Variants in MLLT3 observed in about 807,000 individuals in gnomAD.
MLLT3 encodes MLLT3 super elongation complex subunit.
In MLLT3, 4 loss-of-function variants were observed where a neutral mutation model predicts 53.2. The ratio of observed to expected loss-of-function variants is 0.08; its 90% CI spans 0.04 to 0.17. The LOEUF is 0.17. Among genes scored for constraint, MLLT3 ranks in the 10% least tolerant of loss-of-function variants. The pLI is 1.00. For synonymous variants in MLLT3, 283 were observed against 230.6 expected (o/e 1.23, Z -2.06); for missense variants, 569 against 684.0 (o/e 0.83, Z 1.87).
chr9:20,433,864 C>T (rs968856882), intron 4 of MLLT3, among the ~76,000 whole-genome samples: 1 of 151,746 alleles, frequency 6.6e-6, no homozygotes, highest in African/African-American at 2.4e-5. Flanking sequence ...CCTGTAATCC[C>T]AGCACTTTGG....
intron 2 of MLLT3, among the ~76,000 whole-genome samples, chr9:20,551,633 G>GC (rs1554638122): frequency 1.3e-5 from 2 of 151,122 alleles, no homozygotes; most frequent in African/African-American, 2.4e-5. Flanking sequence ...AATCAGAAAA[G>GC]AAAAAAAAAC....
intron 2 of MLLT3, among the ~76,000 whole-genome samples, chr9:20,562,498 C>T (rs749567299): frequency 7.2e-5 from 11 of 152,064 alleles, no homozygotes; most frequent in Non-Finnish European, 1.5e-4. Flanking sequence ...AAACAACCCA[C>T]CAATGGACCC....
chr9:20,454,341 C>T (rs1354566152), intron 3 of MLLT3, among the ~76,000 whole-genome samples: 1 of 152,070 alleles, frequency 6.6e-6, no homozygotes, highest in East Asian at 1.9e-4. Context: ...CTTCTTAAAT[C>T]TGGCATATGG....
chr9:20,467,616 G>A lies in MLLT3; in HGVS notation c.194-10830C>T, dbSNP rs190469494. Reference sequence around the variant, plus strand: ...CAAAATAAAAAATAAAAGTCGATGAGCAGATTTAATCTTATTTAGGAGTAA... The same window carrying A: ...CAAAATAAAAAATAAAAGTCGATGAACAGATTTAATCTTATTTAGGAGTAA... On this transcript the variant is annotated intron_variant, in intron 2 of 10. Coordinates refer to ENST00000380338, the MANE Select transcript of MLLT3 (RefSeq NM_004529.4). 7.9e-5 allele frequency among the ~76,000 whole-genome samples: 12 copies of A among 152,190 alleles called. No homozygotes were observed. In the East Asian group the frequency reaches 2.3e-3, roughly 29 times the overall value.
In MLLT3 at chr9:20,483,348, CCATCTCAGCCTCG is replaced by C. The variant is rs1414218488; in HGVS notation, c.194-26575_194-26563del. Among the ~76,000 whole-genome samples the C allele has an allele frequency of 1.1e-4, 17 of 151,976 alleles. 1 individual carries two copies. The highest frequency in any genetic ancestry group is 1.0e-3 in the Admixed American group (16 of 15,264). Reference sequence around the variant, plus strand: ...CTTCTGGGCTTGCTCAGGTGATCTCCCATCTCAGCCTCGCAAGTAGCTGGGACTACAGGCATGC... The same window carrying C: ...CTTCTGGGCTTGCTCAGGTGATCTCCCAAGTAGCTGGGACTACAGGCATGC... On this transcript the variant is annotated intron_variant, in intron 2 of 10. Transcript: ENST00000380338.
rs1821015487 is a variant in MLLT3 at position 20,621,697 on chromosome 9, G to A, written c.12+548C>T. 4.9e-6 allele frequency: 7 copies of A among 1,427,932 alleles called. No individual in the cohort carries two copies. Among genetic ancestry groups the A allele is most frequent in the Non-Finnish European group, 6.5e-6 (7 of 1,075,554 alleles). 88.5% of individuals were successfully genotyped at this position (1,427,932 alleles called of 1,614,324 possible). A position where few individuals can be genotyped will look rare whatever the true frequency, so the allele number is the denominator to read the frequency against. On this transcript the variant is annotated intron_variant, in intron 1 of 10. Transcript: ENST00000380338. The surrounding 1 kb of genome is among the most constrained non-coding windows in gnomAD (Gnocchi z 7.0). ...CGCGCTCAGCACCTCCCGGCGCTGG[G>A]GCAAAGTTGCGTGCGGCCCCGCCGC...
In MLLT3 at chr9:20,413,813, A is replaced by G. The variant is rs139812555; in HGVS notation, c.1033T>C (p.Ser345Pro). Residue 345 changes from serine (S) to proline (P), a missense_variant, in exon 5 of 11, where the codon TCA becomes CCA. Physicochemically the swap from Ser to Pro is moderately conservative, Grantham distance 74. This residue lies in a region of MLLT3 where 437 missense variants were observed against 376.5 expected (regional missense o/e 1.16). Transcript: ENST00000380338. The stretch of plus-strand genomic sequence containing the variant: ...GGTAACGTTGATTTCTTCTTCTCTG[A>G]TGTCTCACTTTCAATTTTGACCTTT... ...MGKVKIESET[S>P]EKKKSTLPPF... 45 of 1,613,904 alleles carry G rather than the reference A, an allele frequency of 2.8e-5. No individual in the cohort carries two copies. In the African/African-American group the frequency reaches 5.9e-4, roughly 21 times the overall value.
rs189217573 is a variant in MLLT3 at position 20,456,844 on chromosome 9, T to G, written c.194-58A>C. ...AGAATAATAGACAAAAAGACATTCT[T>G]CTTTTAAAAAAAAAAATCCCATTCT... On this transcript the variant is annotated intron_variant, in intron 2 of 10. Coordinates refer to ENST00000380338, the MANE Select transcript of MLLT3 (RefSeq NM_004529.4). 89 of 1,307,694 alleles carry G rather than the reference T, an allele frequency of 6.8e-5. No homozygotes were observed. The African/African-American group carries it at 1.2e-3, about 18-fold the overall frequency. 81.0% of individuals were successfully genotyped at this position (1,307,694 alleles called of 1,614,324 possible). A position where few individuals can be genotyped will look rare whatever the true frequency, so the allele number is the denominator to read the frequency against.
chr9:20,502,452 T>A (rs902980268), intron 2 of MLLT3: 2 of 152,390 alleles, frequency 1.3e-5, no homozygotes, highest in African/African-American at 2.4e-5. Flanking sequence ...GACAACGTGA[T>A]CTTATACAGT....
intron 8 of MLLT3, among the ~76,000 whole-genome samples, chr9:20,355,427 T>C (rs531266133): frequency 1.3e-5 from 2 of 152,362 alleles, no homozygotes; most frequent in East Asian, 1.9e-4. Context: ...TTTTAAGAAA[T>C]GATGTGTTTA....
Position 20,437,961 on chromosome 9 carries a change from A to G in MLLT3, c.420+10162T>C, listed in dbSNP as rs377652923. Among the ~76,000 whole-genome samples, 506 of 152,308 alleles carry G rather than the reference A, an allele frequency of 3.3e-3. 2 individuals are homozygous for G. The highest frequency in any genetic ancestry group is 5.6e-3 in the Admixed American group (85 of 15,280). ...TTAGCTTGGTCTCATAGTCACTGGC[A>G]TTTGAAACCCCTGGTTTAGCAAAAC... On this transcript the variant is annotated intron_variant, in intron 4 of 10. Coordinates refer to ENST00000380338, the MANE Select transcript of MLLT3 (RefSeq NM_004529.4).
chr9:20,503,799 G>T (rs983853069), intron 2 of MLLT3, among the ~76,000 whole-genome samples: 2 of 152,104 alleles, frequency 1.3e-5, no homozygotes, highest in Admixed American at 6.5e-5. Context: ...TGCAAACCAT[G>T]CATCTGATAA....
intron 2 of MLLT3, among the ~76,000 whole-genome samples, chr9:20,459,751 C>T (rs1824063196): frequency 1.3e-5 from 2 of 152,068 alleles, no homozygotes; most frequent in Admixed American, 6.6e-5. Flanking sequence ...AAGGAAATGA[C>T]TTGCTACGTA....
At chr9:20,367,667 T>A (rs1821492975) in intron 5 of MLLT3, among the ~76,000 whole-genome samples, 1 of 152,216 alleles carries the variant, frequency 6.6e-6, no homozygotes, top group African/African-American at 2.4e-5. Context: ...CAAATTTATT[T>A]CCATCCTATT....
intron 5 of MLLT3, among the ~76,000 whole-genome samples, chr9:20,367,019 T>A (rs1821472701): frequency 6.6e-6 from 1 of 152,200 alleles, no homozygotes; most frequent in Non-Finnish European, 1.5e-5. Flanking sequence ...ACCCTTTTCA[T>A]CCACAGTTCA....
intron 3 of MLLT3, among the ~76,000 whole-genome samples, chr9:20,455,485 T>C (rs1823943643): frequency 6.6e-6 from 1 of 152,206 alleles, no homozygotes; most frequent in Non-Finnish European, 1.5e-5. Context: ...AGGCCCTGCC[T>C]CCAGAGATTC....
intron 5 of MLLT3, among the ~76,000 whole-genome samples, chr9:20,387,621 G>C (rs1380217346): frequency 6.6e-6 from 1 of 152,192 alleles, no homozygotes; most frequent in African/African-American, 2.4e-5. Context: ...TACTGTGGAA[G>C]ACACAATTGT....
intron 2 of MLLT3, among the ~76,000 whole-genome samples, chr9:20,462,257 C>T (rs1824128329): frequency 6.6e-6 from 1 of 152,204 alleles, no homozygotes; most frequent in Non-Finnish European, 1.5e-5. Flanking sequence ...CACTTCAAAA[C>T]AGATTATTCC....
intron 2 of MLLT3, among the ~76,000 whole-genome samples, chr9:20,466,342 T>C (rs1197369260): frequency 6.6e-6 from 1 of 152,170 alleles, no homozygotes; most frequent in Non-Finnish European, 1.5e-5. Context: ...AGACTTAACC[T>C]GCACAGTGTT....
Sources: allele counts gnomAD v4.1 joint callset (sites outside exome capture counted in the v4.1 genomes callset), GRCh38; gene constraint gnomAD v4.1.1; regional missense constraint gnomAD v4.1.1; non-coding constraint Gnocchi (gnomAD v3.1); transcripts MANE v1.5; gene names NCBI Gene and HGNC (gene_info 2026-07-23, HGNC 2026-07-21).